Variants in EIF2S1 observed in about 807,000 individuals in gnomAD.
EIF2S1 encodes eukaryotic translation initiation factor 2 subunit alpha.
In EIF2S1, 5 loss-of-function variants were observed where a neutral mutation model predicts 33.5. That is an observed-to-expected ratio of 0.15 (90% confidence interval 0.08 to 0.31). The LOEUF (loss-of-function observed/expected upper bound fraction) is 0.31, where lower values mean the gene tolerates loss of function less well. Ranked by LOEUF, EIF2S1 falls within the 10% of genes least tolerant of loss-of-function variation. The pLI is 1.00. For synonymous variants in EIF2S1, 99 were observed against 127.5 expected (o/e 0.78, Z 1.51); for missense variants, 191 against 384.6 (o/e 0.50, Z 4.21).
chr14:67,366,945 G>T (rs1365023777), intron 2 of EIF2S1, among the ~76,000 whole-genome samples: 4 of 152,030 alleles, frequency 2.6e-5, no homozygotes, highest in Admixed American at 2.6e-4. Flanking sequence ...GGTCTTATTG[G>T]CTTTAGAACT....
At chr14:67,379,349 A>T (rs1427902495) in intron 4 of EIF2S1, among the ~76,000 whole-genome samples, 1 of 152,228 alleles carries the variant, frequency 6.6e-6, no homozygotes, top group Admixed American at 6.5e-5. Context: ...ATGAATTCAC[A>T]GTAGTATCTT....
chr14:67,372,183 G>A lies in EIF2S1; in HGVS notation c.242-2285G>A, dbSNP rs977799204. On this transcript the variant is annotated intron_variant, in intron 2 of 7. Transcript: ENST00000256383. ...TTATATGATCAGTTAATTAACAAAAGTACAAAGGCAGCTGATCAAAGAAAA... is the reference window on the plus strand; with the variant it reads ...TTATATGATCAGTTAATTAACAAAAATACAAAGGCAGCTGATCAAAGAAAA... Among the ~76,000 whole-genome samples the A allele has an allele frequency of 8.9e-4, 136 of 152,076 alleles. 1 individual carries two copies. Among genetic ancestry groups the A allele is most frequent in the Non-Finnish European group, 3.8e-4 (26 of 68,004 alleles).
At chr14:67,378,929 A>G (rs1398335894) in intron 4 of EIF2S1, among the ~76,000 whole-genome samples, 3 of 152,214 alleles carry the variant, frequency 2.0e-5, no homozygotes, top group Non-Finnish European at 4.4e-5. Context: ...TTGTTTTACT[A>G]CATATGTGTC....
At chr14:67,378,416 T>G (rs1464193679) in intron 4 of EIF2S1, among the ~76,000 whole-genome samples, 4 of 151,388 alleles carry the variant, frequency 2.6e-5, no homozygotes, top group African/African-American at 9.7e-5. Context: ...CAACCTGTGG[T>G]ATAAATGCTA....
chr14:67,369,393 T>C (rs1269412730), intron 2 of EIF2S1, among the ~76,000 whole-genome samples: 1 of 152,130 alleles, frequency 6.6e-6, no homozygotes, highest in African/African-American at 2.4e-5. Context: ...AAGAGAGAAA[T>C]AGACAAATCT....
intron 4 of EIF2S1, 90 bp from the exon 5 acceptor site, chr14:67,380,569 C>T (rs753966726): frequency 3.3e-5 from 19 of 571,878 alleles, no homozygotes; most frequent in Non-Finnish European, 4.9e-5. Context: ...ATATGCTTAA[C>T]TATTATATGC....
chr14:67,364,946 A>G lies in EIF2S1; in HGVS notation c.179A>G (p.Asn60Ser). The change falls in exon 2 of 8, where the codon AAC becomes AGC. Residue 60 changes from asparagine to serine, a missense_variant. By Grantham distance (46) the Asn-to-Ser change is conservative. Transcript: ENST00000256383. Reference sequence around the variant, plus strand: ...TCCAGAAGGCGTATCCGTTCTATCAACAAACTCATCCGAATTGGCAGGAAT... The same window carrying G: ...TCCAGAAGGCGTATCCGTTCTATCAGCAAACTCATCCGAATTGGCAGGAAT... ...ELSRRRIRSI[N>S]KLIRIGRNEC... The G allele has an allele frequency of 1.9e-6, 3 of 1,614,098 alleles. No individual in the cohort carries two copies. Among genetic ancestry groups the G allele is most frequent in the Non-Finnish European group, 2.5e-6 (3 of 1,179,974 alleles).
At chr14:67,361,355 A>G (rs2085739200) in intron 1 of EIF2S1, among the ~76,000 whole-genome samples, 1 of 152,230 alleles carries the variant, frequency 6.6e-6, no homozygotes, top group African/African-American at 2.4e-5. Flanking sequence ...ACCTATTCTT[A>G]GTTCATCTGG....
rs1246829905 is a variant in EIF2S1 at position 67,383,796 on chromosome 14, C to T, written c.*356C>T. 6.9e-6 allele frequency: 2 copies of T among 289,954 alleles called. No homozygotes were observed. Among genetic ancestry groups the T allele is most frequent in the Middle Eastern group, 1.3e-3 (1 of 782 alleles). The allele number at this position is 289,954 out of a possible 1,614,324, so 18.0% of individuals were successfully genotyped here. On this transcript the variant is annotated 3_prime_UTR_variant, in exon 8 of 8. Transcript: ENST00000256383. ...ATTTGCCAGGGGCATCCAAGGCAAA[C>T]AATCCCAATCTTTCTATATAAAATG...
chr14:67,381,775 T>A (rs935199673), intron 6 of EIF2S1, 85 bp downstream of exon 6: 26 of 922,650 alleles, frequency 2.8e-5, no homozygotes, highest in Admixed American at 7.5e-5. Flanking sequence ...TTTTTTTTTT[T>A]AATCACATTT....
intron 1 of EIF2S1, among the ~76,000 whole-genome samples, chr14:67,361,473 C>T (rs902421465): frequency 6.6e-6 from 1 of 152,182 alleles, no homozygotes; most frequent in Admixed American, 6.5e-5. Context: ...ATGTAGCACT[C>T]CTATACCAAG....
intron 1 of EIF2S1, chr14:67,364,056 G>T (rs2085758778): frequency 6.6e-6 from 1 of 152,120 alleles, no homozygotes; most frequent in Admixed American, 6.6e-5. Flanking sequence ...CTTGAACTTT[G>T]TAGTAATGGA....
At chr14:67,379,412 T>C (rs2141148432) in intron 4 of EIF2S1, among the ~76,000 whole-genome samples, 1 of 152,324 alleles carries the variant, frequency 6.6e-6, no homozygotes, top group Non-Finnish European at 1.5e-5. Flanking sequence ...TCATGTTTCT[T>C]AACCATTTGT....
chr14:67,362,578 G>A (rs1197671392), intron 1 of EIF2S1, among the ~76,000 whole-genome samples: 2 of 152,140 alleles, frequency 1.3e-5, no homozygotes, highest in Non-Finnish European at 2.9e-5. Flanking sequence ...CTTCTAGTAA[G>A]TAGCAGAGCA....
chr14:67,379,798 GCGC>G (rs2085877501), intron 4 of EIF2S1, among the ~76,000 whole-genome samples: 2 of 148,882 alleles, frequency 1.3e-5, no homozygotes, highest in Non-Finnish European at 3.0e-5. Flanking sequence ...GGGACTACAG[GCGC>G]CCGCCACTAC....
chr14:67,375,995 C>A (rs1413881573), intron 3 of EIF2S1, among the ~76,000 whole-genome samples: 2 of 151,886 alleles, frequency 1.3e-5, no homozygotes, highest in Admixed American at 1.3e-4. Context: ...TTGTCTACAC[C>A]CTGTTAATTT....
chr14:67,376,426 A>G lies in EIF2S1; in HGVS notation c.322-13A>G, dbSNP rs774668377. On this transcript the variant is annotated splice_polypyrimidine_tract_variant and intron_variant, in intron 3 of 7. Transcript: ENST00000256383. Reference sequence around the variant, plus strand: ...TTATCTTTGAATTGTTGAGCTTTTCATTTTATTTCTAGGTTTATAGCATTC... The same window carrying G: ...TTATCTTTGAATTGTTGAGCTTTTCGTTTTATTTCTAGGTTTATAGCATTC... The G allele has an allele frequency of 6.4e-7, 1 of 1,572,162 alleles. No homozygotes were observed. Among genetic ancestry groups the G allele is most frequent in the Non-Finnish European group, 8.6e-7 (1 of 1,158,278 alleles).
rs553539967 is a variant in EIF2S1, at chr14:67,383,605, A to G, written c.*165A>G. On this transcript the variant is annotated 3_prime_UTR_variant, in exon 8 of 8. Transcript: ENST00000256383. ...ATCAGAACATGAAATGCCCTCCTAA[A>G]TGTCAGCTGTTGTCACACAGTAGCT... is the stretch of plus-strand genomic sequence containing the variant. 3 of 966,368 alleles carry G rather than the reference A, an allele frequency of 3.1e-6. No homozygotes were observed. The highest frequency in any genetic ancestry group is 4.6e-6 in the Non-Finnish European group (3 of 657,558). The allele number at this position is 966,368 out of a possible 1,614,324, so 59.9% of individuals were successfully genotyped here.
chr14:67,364,607 T>A, intron 1 of EIF2S1, 160 bp from the exon 2 acceptor site: 1 of 675,640 alleles, frequency 1.5e-6, no homozygotes, highest in Non-Finnish European at 2.3e-6. Flanking sequence ...ACATTATCTG[T>A]TTTCTGGTAC....
Sources: gnomAD v4.1 joint callset for allele counts (sites outside exome capture counted in the v4.1 genomes callset) on GRCh38, gnomAD v4.1.1 for gene constraint, MANE v1.5 for transcripts, NCBI Gene and HGNC (gene_info 2026-07-23, HGNC 2026-07-21) for gene names.